Variants in CPNE5 observed in about 807,000 individuals in gnomAD.
The protein encoded by CPNE5 is copine 5, also known as copine-5.
Under a neutral mutation model 81.1 loss-of-function variants are expected in CPNE5, and 42 were observed. The ratio of observed to expected loss-of-function variants is 0.52; its 90% confidence interval spans 0.40 to 0.67. The LOEUF (loss-of-function observed/expected upper bound fraction) is 0.67. Ranked by LOEUF, CPNE5 falls within the 30% of genes least tolerant of loss-of-function variation. The pLI, the probability that CPNE5 is intolerant of heterozygous loss-of-function variation, is 0.00. For synonymous variants in CPNE5, 313 were observed against 321.5 expected (o/e 0.97, Z 0.28); for missense variants, 612 against 815.5 (o/e 0.75, Z 3.04).
At chr6:36,801,764 G>A (rs951420974) in intron 3 of CPNE5, among the ~76,000 whole-genome samples, 17 of 152,240 alleles carry the variant, frequency 1.1e-4, no homozygotes, top group African/African-American at 2.9e-4. Context: ...CAAATTCATC[G>A]ATGCAGAAAG....
chr6:36,803,279 A>T (rs1770291061), intron 3 of CPNE5, among the ~76,000 whole-genome samples: 1 of 152,060 alleles, frequency 6.6e-6, no homozygotes, highest in Non-Finnish European at 1.5e-5. Context: ...GTATGTGCCA[A>T]TTCCTAATGC....
intron 19 of CPNE5, 106 bp from the exon 20 acceptor site, chr6:36,743,868 GAC>G: frequency 1.0e-6 from 1 of 990,944 alleles, no homozygotes; most frequent in South Asian, 1.3e-5. Flanking sequence ...CCAGGGCCGA[GAC>G]CACTGGCCCA....
chr6:36,798,961 C>T (rs912035010), intron 4 of CPNE5, among the ~76,000 whole-genome samples: 2 of 152,112 alleles, frequency 1.3e-5, no homozygotes, highest in African/African-American at 4.8e-5. Context: ...CAGGCCTGCC[C>T]AGCTTGCCCA....
At chr6:36,750,697 C>T (rs1764715182) in intron 14 of CPNE5, among the ~76,000 whole-genome samples, 1 of 152,174 alleles carries the variant, frequency 6.6e-6, no homozygotes, top group Non-Finnish European at 1.5e-5. Context: ...GAACGCATGT[C>T]TTTGTTAGAG....
At chr6:36,749,100 CTT>C (rs560623757) in intron 14 of CPNE5, among the ~76,000 whole-genome samples, 1 of 149,686 alleles carries the variant, frequency 6.7e-6, no homozygotes, top group South Asian at 2.1e-4. Context: ...CCACACCTGG[CTT>C]TTTTTTTTCT....
intron 1 of CPNE5, among the ~76,000 whole-genome samples, chr6:36,837,991 G>A (rs10440825): frequency 0.019 from 2,959 of 152,242 alleles, 47 homozygotes; most frequent in Middle Eastern, 0.044. Flanking sequence ...ACGGCATGGT[G>A]TATGGGACCT....
At chr6:36,827,473 A>G (rs1261025797) in intron 1 of CPNE5, 1 of 985,248 alleles carries the variant, frequency 1.0e-6, no homozygotes, top group African/African-American at 1.7e-5. Context: ...TCCAGAGGCC[A>G]TGTTTATCCA....
At chr6:36,815,972 C>A (rs1771513899) in intron 3 of CPNE5, among the ~76,000 whole-genome samples, 1 of 152,198 alleles carries the variant, frequency 6.6e-6, no homozygotes, top group South Asian at 2.1e-4. Flanking sequence ...GATCTCCATA[C>A]CCACTTTTCA....
intron 1 of CPNE5, among the ~76,000 whole-genome samples, chr6:36,830,209 G>C (rs1232271294): frequency 6.6e-6 from 1 of 152,112 alleles, no homozygotes; most frequent in Non-Finnish European, 1.5e-5. Flanking sequence ...AGGTGCCCTG[G>C]GGAGTGCTTG....
chr6:36,805,328 C>T (rs1337190741), intron 3 of CPNE5, among the ~76,000 whole-genome samples: 2 of 152,238 alleles, frequency 1.3e-5, no homozygotes, highest in South Asian at 2.1e-4. Context: ...CGCAGCCAGC[C>T]CTGTTCATTC....
chr6:36,773,385 G>T (rs1303215464), intron 10 of CPNE5, among the ~76,000 whole-genome samples: 1 of 152,202 alleles, frequency 6.6e-6, no homozygotes, highest in South Asian at 2.1e-4. Flanking sequence ...GGCCCCACTC[G>T]CTCTCTCGGC....
In CPNE5 at chr6:36,808,298, C is replaced by G. The variant is rs549494285; in HGVS notation, c.184-8228G>C. 6.6e-5 allele frequency among the ~76,000 whole-genome samples: 10 copies of G among 152,198 alleles called. No homozygotes were observed. The South Asian group carries it at 2.1e-3, about 32-fold the overall frequency. ...TAGAGGCGGGGTTTGGCCATGTTGA[C>G]CAGGCTGGTCTCGAACTCCTGACCT... On this transcript the variant is annotated intron_variant, in intron 3 of 20. Transcript: ENST00000244751.
chr6:36,789,927 AT>A (rs1303918718), intron 8 of CPNE5, among the ~76,000 whole-genome samples: 6 of 152,062 alleles, frequency 3.9e-5, no homozygotes, highest in Non-Finnish European at 5.9e-5. Context: ...TCACATATGA[AT>A]TTTTTTGGTC....
intron 10 of CPNE5, 44 bp from the exon 11 acceptor site, chr6:36,765,420 C>T (rs778761421): frequency 6.2e-7 from 1 of 1,611,660 alleles, no homozygotes; most frequent in Non-Finnish European, 8.5e-7. Context: ...AACCCCACAC[C>T]CACGTGGCTG....
intron 3 of CPNE5, among the ~76,000 whole-genome samples, chr6:36,814,779 C>T (rs776779791): frequency 7.9e-4 from 120 of 152,148 alleles, no homozygotes; most frequent in Non-Finnish European, 1.5e-3. Flanking sequence ...GCTTCAGTTT[C>T]CTCCTCTGTC....
At chr6:36,823,196 G>GGT in intron 1 of CPNE5, 98 bp from the exon 2 acceptor site, 3 of 1,036,670 alleles carry the variant, frequency 2.9e-6, no homozygotes, top group Non-Finnish European at 4.0e-6. Flanking sequence ...GCTGCCTCTG[G>GGT]CCTGGCCTCA....
At chr6:36,749,961 T>C (rs1764625724) in intron 14 of CPNE5, among the ~76,000 whole-genome samples, 1 of 152,202 alleles carries the variant, frequency 6.6e-6, no homozygotes, top group Non-Finnish European at 1.5e-5. Context: ...AGTCTAGTCT[T>C]ATGGTTCTCA....
At chr6:36,742,976 C>T (rs573085934) in intron 20 of CPNE5, 35 of 985,266 alleles carry the variant, frequency 3.6e-5, no homozygotes, top group East Asian at 1.1e-4. Flanking sequence ...CCATCCTGAG[C>T]GCCTCTTCTG....
intron 13 of CPNE5, chr6:36,756,000 C>T (rs1012855026): frequency 9.4e-6 from 5 of 530,924 alleles, no homozygotes; most frequent in African/African-American, 6.0e-5. Flanking sequence ...CAGGAAGTCC[C>T]GTGGATGTCT....
Sources: allele counts gnomAD v4.1 joint callset (sites outside exome capture counted in the v4.1 genomes callset), GRCh38; gene constraint gnomAD v4.1.1; transcripts MANE v1.5; gene names NCBI Gene and HGNC (gene_info 2026-07-23, HGNC 2026-07-21).